Variants in OR9Q1 observed in about 807,000 individuals in gnomAD.
OR9Q1 encodes olfactory receptor 9Q1.
For missense variants in OR9Q1, 374 were observed against 378.8 expected (o/e 0.99, Z 0.11); for synonymous variants, 153 against 148.6 (o/e 1.03, Z -0.22).
intron 2 of OR9Q1, among the ~76,000 whole-genome samples, chr11:58,061,724 T>A (rs1316554231): frequency 6.6e-6 from 1 of 152,208 alleles, no homozygotes; most frequent in Non-Finnish European, 1.5e-5. Flanking sequence ...CAAGGGCTAT[T>A]GCAAAATGCT....
At chr11:58,039,376 T>C (rs1038692880) in intron 1 of OR9Q1, among the ~76,000 whole-genome samples, 1 of 152,220 alleles carries the variant, frequency 6.6e-6, no homozygotes, top group African/African-American at 2.4e-5. Context: ...CTTGTCAAGG[T>C]AGGATTTTCA....
intron 2 of OR9Q1, among the ~76,000 whole-genome samples, chr11:58,139,923 C>T (rs1854229017): frequency 6.6e-6 from 1 of 151,630 alleles, no homozygotes. Context: ...GTTCCTATTT[C>T]TCCACATCCT....
intron 2 of OR9Q1, among the ~76,000 whole-genome samples, chr11:58,132,779 A>T (rs923882305): frequency 6.6e-6 from 1 of 152,172 alleles, no homozygotes; most frequent in Non-Finnish European, 1.5e-5. Flanking sequence ...GAGAAAGCAA[A>T]CTTTGCAGAG....
At chr11:58,119,362 AAG>A in intron 2 of OR9Q1, 6 of 1,613,958 alleles carry the variant, frequency 3.7e-6, no homozygotes, top group Non-Finnish European at 5.1e-6. Context: ...AAACACCAGA[AAG>A]AGGGGAATCT....
chr11:58,085,744 C>G (rs1029920200), intron 2 of OR9Q1, among the ~76,000 whole-genome samples: 1 of 151,720 alleles, frequency 6.6e-6, no homozygotes, highest in African/African-American at 2.4e-5. Flanking sequence ...CTTCAATGGG[C>G]TCTTTACTAT....
At chr11:58,090,586 G>A (rs989351157) in intron 2 of OR9Q1, among the ~76,000 whole-genome samples, 6 of 152,158 alleles carry the variant, frequency 3.9e-5, no homozygotes, top group Non-Finnish European at 2.9e-5. Flanking sequence ...TATTCACCAG[G>A]TACATTGCCC....
chr11:58,152,794 A>G (rs1488580348), intron 2 of OR9Q1, among the ~76,000 whole-genome samples: 1 of 152,178 alleles, frequency 6.6e-6, no homozygotes, highest in Non-Finnish European at 1.5e-5. Context: ...AGATAATCAA[A>G]TTATTTACCT....
chr11:58,104,152 C>G (rs1295401928), intron 2 of OR9Q1, among the ~76,000 whole-genome samples: 1 of 152,136 alleles, frequency 6.6e-6, no homozygotes, highest in African/African-American at 2.4e-5. Context: ...TAGCCTAAAA[C>G]ACTTTACTAT....
At chr11:58,155,595 T>G (rs1313251818) in intron 2 of OR9Q1, among the ~76,000 whole-genome samples, 2 of 152,208 alleles carry the variant, frequency 1.3e-5, no homozygotes, top group African/African-American at 2.4e-5. Flanking sequence ...TGTCTTTAAC[T>G]TGGGTCTTCT....
chr11:58,090,272 T>G (rs1313883643), intron 2 of OR9Q1, among the ~76,000 whole-genome samples: 1 of 152,236 alleles, frequency 6.6e-6, no homozygotes, highest in African/African-American at 2.4e-5. Flanking sequence ...AGTATGATAT[T>G]GGCTGTGGTT....
chr11:58,037,679 ATATATATATATTTTTTTTT>A (rs1853116144), intron 1 of OR9Q1, among the ~76,000 whole-genome samples: 1 of 14,682 alleles, frequency 6.8e-5, no homozygotes, highest in Non-Finnish European at 1.4e-4. Flanking sequence ...ATATATATAT[ATATATATATATTTTTTTTT>A]TTTTTTTTTT....
intron 1 of OR9Q1, among the ~76,000 whole-genome samples, chr11:58,043,466 C>A (rs1565058333): frequency 1.3e-5 from 2 of 152,168 alleles, no homozygotes; most frequent in Non-Finnish European, 2.9e-5. Flanking sequence ...AGTTCAGAGG[C>A]TCCTCCCCAT....
chr11:58,143,451 C>T (rs993944785), intron 2 of OR9Q1, among the ~76,000 whole-genome samples: 1 of 152,186 alleles, frequency 6.6e-6, no homozygotes, highest in African/African-American at 2.4e-5. Flanking sequence ...TAATTTGGGA[C>T]CTGTCAGAAG....
At chr11:58,123,397 A>G (rs569929790) in intron 2 of OR9Q1, among the ~76,000 whole-genome samples, 72 of 152,272 alleles carry the variant, frequency 4.7e-4, no homozygotes, top group Non-Finnish European at 1.0e-3. Flanking sequence ...CATCTATCTC[A>G]TGGCTAATTC....
chr11:58,053,504 C>G (rs11823591), intron 1 of OR9Q1, among the ~76,000 whole-genome samples: 31,053 of 134,110 alleles, frequency 0.23, 4,150 homozygotes, highest in East Asian at 0.57. Flanking sequence ...TGCTAAATGA[C>G]GAGTTAATGG....
chr11:58,152,096 A>G (rs1854358799), intron 2 of OR9Q1, among the ~76,000 whole-genome samples: 1 of 152,178 alleles, frequency 6.6e-6, no homozygotes, highest in South Asian at 2.1e-4. Context: ...CAGATGGAGT[A>G]GTGATTCTAC....
chr11:58,067,381 G>A (rs1388257967), intron 2 of OR9Q1, among the ~76,000 whole-genome samples: 2 of 152,082 alleles, frequency 1.3e-5, no homozygotes, highest in Non-Finnish European at 2.9e-5. Context: ...GCGAATTCTC[G>A]GAGTGATCTT....
At chr11:58,032,998 T>A (rs1461333717) in intron 1 of OR9Q1, among the ~76,000 whole-genome samples, 1 of 152,166 alleles carries the variant, frequency 6.6e-6, no homozygotes, top group African/African-American at 2.4e-5. Context: ...AACAACCATA[T>A]GAAAAAATTC....
At chr11:58,162,160 TTGTAAC>T (rs1854463226) in intron 2 of OR9Q1, among the ~76,000 whole-genome samples, 1 of 147,106 alleles carries the variant, frequency 6.8e-6, no homozygotes, top group Non-Finnish European at 1.5e-5. Flanking sequence ...CTCACCTTCT[TTGTAAC>T]TGTGTAACAT....
Sources: allele counts gnomAD v4.1 joint callset (sites outside exome capture counted in the v4.1 genomes callset), GRCh38; gene constraint gnomAD v4.1.1; transcripts MANE v1.5; gene names NCBI Gene and HGNC (gene_info 2026-07-23, HGNC 2026-07-21).